The following NVL variants were observed in gnomAD, a reference collection of about 807,000 sequenced individuals.
NVL encodes nuclear valosin-containing protein-like.
In NVL, 84 loss-of-function variants were observed where a neutral mutation model predicts 110.2. The observed-to-expected ratio is 0.76, with a 90% confidence interval of 0.64 to 0.91. The LOEUF (loss-of-function observed/expected upper bound fraction) is 0.91, where lower values mean the gene tolerates loss of function less well. Ranked by LOEUF, NVL falls within the 40% of genes least tolerant of loss-of-function variation. NVL has a pLI of 0.00. For synonymous variants in NVL, 354 were observed against 361.1 expected, an observed-to-expected ratio of 0.98 and a Z score of 0.22; for missense variants, 882 against 1,035.9, an observed-to-expected ratio of 0.85 and a Z score of 2.04.
chr1:224,246,948 A>AG (rs1485067537), intron 19 of NVL, among the ~76,000 whole-genome samples: 1 of 151,874 alleles, frequency 6.6e-6, no homozygotes. Flanking sequence ...AGGCTGAAGT[A>AG]GGAGATATGC....
rs73130430 is a variant in NVL at position 224,282,964 on chromosome 1, T to C, written c.1900-1779A>G. ...ACCTATAATTTGTTCCATGAGTTTA[T>C]CCTAGGCCACACTTTGCCTCTGCCA... On this transcript the variant is annotated intron_variant, in intron 15 of 22. Transcript: ENST00000281701. Among the ~76,000 whole-genome samples the C allele has an allele frequency of 6.2e-3, 947 of 152,340 alleles. 9 individuals carry two copies. Among genetic ancestry groups the C allele is most frequent in the African/African-American group, 0.021 (893 of 41,560 alleles).
At chr1:224,306,185 AGGCTATAGTGTTCTGTG>A (rs900090514) in intron 6 of NVL, among the ~76,000 whole-genome samples, 1 of 152,206 alleles carries the variant, frequency 6.6e-6, no homozygotes, top group African/African-American at 2.4e-5. Flanking sequence ...CAGGGTTTCA[AGGCTATAGTGTTCTGTG>A]ATCAAGCCTG....
chr1:224,262,900 A>T (rs1053973854), intron 18 of NVL, among the ~76,000 whole-genome samples: 1 of 152,194 alleles, frequency 6.6e-6, no homozygotes, highest in Non-Finnish European at 1.5e-5. Context: ...AGTTCTGATC[A>T]AACTATATTA....
At position 224,268,127 on chromosome 1, in the gene NVL, C is replaced by T. The variant is rs754525510; in HGVS notation, c.2089G>A (p.Ala697Thr). ...AGCTGATTCACCACTCGGACACTTGCCCCTGTCTAAAAAGACATAAATCTG... is the reference window on the plus strand; with the variant it reads ...AGCTGATTCACCACTCGGACACTTGTCCCTGTCTAAAAAGACATAAATCTG... ...CPRRSDRETGASVRVVNQLLT... is the reference protein window; with the variant it reads ...CPRRSDRETGTSVRVVNQLLT... Residue 697 changes from alanine (A) to threonine (T), a missense_variant, in exon 18 of 23, where the codon GCA becomes ACA. Ala to Thr is a moderately conservative substitution (Grantham distance 58). Coordinates refer to ENST00000281701, the MANE Select transcript of NVL (RefSeq NM_002533.4). 1.9e-6 allele frequency: 3 copies of T among 1,612,442 alleles called. No individual in the cohort carries two copies. Among genetic ancestry groups the T allele is most frequent in the Non-Finnish European group, 8.5e-7 (1 of 1,178,786 alleles).
chr1:224,271,906 C>T (rs1470300488), intron 17 of NVL, among the ~76,000 whole-genome samples: 18 of 151,578 alleles, frequency 1.2e-4, no homozygotes, highest in Non-Finnish European at 1.0e-4. Flanking sequence ...CCCAGCTACT[C>T]GGGAGGCTGA....
intron 21 of NVL, 121 bp downstream of exon 21, chr1:224,233,080 T>G: frequency 1.3e-6 from 1 of 750,704 alleles, no homozygotes; most frequent in South Asian, 2.1e-5. Flanking sequence ...CTAACAGTCT[T>G]ATTAGAAAAA....
intron 10 of NVL, among the ~76,000 whole-genome samples, chr1:224,297,054 A>C (rs546733352): frequency 6.6e-6 from 1 of 152,362 alleles, no homozygotes; most frequent in African/African-American, 2.4e-5. Context: ...TAACGTAAGA[A>C]TCTCCAAGTC....
chr1:224,249,540 C>T (rs1014519057), intron 19 of NVL, among the ~76,000 whole-genome samples: 15 of 152,066 alleles, frequency 9.9e-5, no homozygotes, highest in Admixed American at 1.3e-4. Context: ...GTCAGGAGAT[C>T]GAGACCATCC....
At chr1:224,254,694 C>A (rs543013251) in intron 18 of NVL, among the ~76,000 whole-genome samples, 1 of 151,188 alleles carries the variant, frequency 6.6e-6, no homozygotes, top group African/African-American at 2.4e-5. Context: ...GGATTACAGG[C>A]GTGAGCCACT....
At chr1:224,238,224 G>A (rs998577104) in intron 19 of NVL, among the ~76,000 whole-genome samples, 1 of 151,890 alleles carries the variant, frequency 6.6e-6, no homozygotes, top group Middle Eastern at 3.2e-3. Flanking sequence ...GTAGAGATGG[G>A]GTTTCACGAT....
chr1:224,294,974 C>T (rs1283820159), intron 11 of NVL, among the ~76,000 whole-genome samples: 4 of 152,140 alleles, frequency 2.6e-5, no homozygotes, highest in Non-Finnish European at 4.4e-5. Context: ...AAAATTAATT[C>T]GAGCAGGGGA....
intron 21 of NVL, among the ~76,000 whole-genome samples, chr1:224,232,646 C>T (rs1297553927): frequency 6.6e-6 from 1 of 152,156 alleles, no homozygotes; most frequent in Non-Finnish European, 1.5e-5. Context: ...AGATGTGAGT[C>T]ACCACACCCA....
chr1:224,298,036 CAA>C (rs1275028638), intron 10 of NVL, among the ~76,000 whole-genome samples: 19 of 67,202 alleles, frequency 2.8e-4, no homozygotes, highest in Non-Finnish European at 2.2e-4. Context: ...TACTCCATCT[CAA>C]AAAAAAAAAA....
At chr1:224,309,944 A>G (rs1669340940) in intron 5 of NVL, among the ~76,000 whole-genome samples, 1 of 151,986 alleles carries the variant, frequency 6.6e-6, no homozygotes, top group African/African-American at 2.4e-5. Flanking sequence ...CACGAGAATC[A>G]CTTGAACTTG....
chr1:224,296,477 A>G, intron 11 of NVL, 24 bp downstream of exon 11: 1 of 1,232,230 alleles, frequency 8.1e-7, no homozygotes, highest in Non-Finnish European at 1.1e-6. Context: ...TTCTCTTAAA[A>G]TGAATTTATT....
rs1667675973 is a variant in NVL at position 224,294,401 on chromosome 1, A to G, written c.1191T>C (p.Asn397=). 3 of 1,614,138 alleles carry G rather than the reference A, an allele frequency of 1.9e-6. No homozygotes were observed. In the East Asian group the frequency reaches 6.7e-5, roughly 36 times the overall value. ...QLLTCMDDLN[N]VAATARVLVI... is the part of the protein sequence containing the mutation. The stretch of plus-strand genomic sequence containing the variant: ...CTAGGACCCGGGCTGTAGCAGCCAC[A>G]TTATTCAGATCTAGTAAGAGACAGA... Residue 397 remains asparagine, a synonymous_variant, in exon 12 of 23, where the codon AAT becomes AAC. Transcript: ENST00000281701.
chr1:224,300,021 T>C (rs549516856), intron 10 of NVL, among the ~76,000 whole-genome samples: 9 of 152,234 alleles, frequency 5.9e-5, no homozygotes, highest in Non-Finnish European at 1.3e-4. Flanking sequence ...TTACAGCTAA[T>C]ATTTACAGGG....
chr1:224,245,575 A>C (rs1309297786), intron 19 of NVL, among the ~76,000 whole-genome samples: 1 of 152,070 alleles, frequency 6.6e-6, no homozygotes, highest in Non-Finnish European at 1.5e-5. Flanking sequence ...CTCAAGTCAA[A>C]GAGAATAAAC....
At chr1:224,246,436 T>A (rs898832447) in intron 19 of NVL, among the ~76,000 whole-genome samples, 4 of 152,196 alleles carry the variant, frequency 2.6e-5, no homozygotes, top group African/African-American at 9.7e-5. Context: ...CTGGTGTGAG[T>A]ACCATACATT....
Sources: allele counts gnomAD v4.1 joint callset (sites outside exome capture counted in the v4.1 genomes callset), GRCh38; gene constraint gnomAD v4.1.1; transcripts MANE v1.5; gene names NCBI Gene and HGNC (gene_info 2026-07-23, HGNC 2026-07-21).